The following POR variants were observed in gnomAD, a reference collection of about 807,000 sequenced individuals.
The protein encoded by POR is NADPH--cytochrome P450 reductase.
A neutral mutation model predicts 84.0 loss-of-function variants in POR; 56 were observed. The observed-to-expected ratio is 0.67, with a 90% CI of 0.54 to 0.83. The LOEUF is 0.83. Ranked by LOEUF, POR falls within the 40% of genes least tolerant of loss-of-function variation. The pLI, the probability that POR is intolerant of heterozygous loss-of-function variation, is 0.00. For missense variants in POR, 938 were observed against 944.3 expected (o/e 0.99, Z 0.09); for synonymous variants, 414 against 400.5 (o/e 1.03, Z -0.40).
intron 2 of POR, among the ~76,000 whole-genome samples, chr7:75,966,522 C>A (rs782245605): frequency 6.6e-6 from 1 of 152,158 alleles, no homozygotes; most frequent in African/African-American, 2.4e-5. Flanking sequence ...CTTCTCTCGC[C>A]GTGGGCACCC....
chr7:75,969,036 C>T (rs1788317713), intron 2 of POR, among the ~76,000 whole-genome samples: 2 of 152,218 alleles, frequency 1.3e-5, no homozygotes, highest in South Asian at 2.1e-4. Context: ...AGGCCTTTCC[C>T]GGTTTCTTCA....
chr7:75,923,932 T>C lies in POR; in HGVS notation c.-5+8753T>C, dbSNP rs77548214. ...AAGAAAAGACAGTAGCTTACGTTCA[T>C]GGCGGCACCTCTCATCACAGTCCAG... On this transcript the variant is annotated intron_variant, in intron 1 of 15. Transcript: ENST00000461988. Among the ~76,000 whole-genome samples, 13 of 151,986 alleles carry C rather than the reference T, an allele frequency of 8.6e-5. No individual in the cohort carries two copies. In the East Asian group the frequency reaches 2.3e-3, roughly 27 times the overall value.
chr7:75,981,455 C>T (rs1206862044), intron 6 of POR, 62 bp from the exon 7 acceptor site: 44 of 1,471,228 alleles, frequency 3.0e-5, no homozygotes, highest in South Asian at 1.1e-4. Flanking sequence ...GTGCCTGGCA[C>T]CAGGTACCGT....
chr7:75,982,700 C>T lies in POR; in HGVS notation c.830+378C>T, dbSNP rs979945835. Among the ~76,000 whole-genome samples, 4 of 152,222 alleles carry T rather than the reference C, an allele frequency of 2.6e-5. 1 individual carries two copies. In the South Asian group the frequency reaches 8.3e-4, roughly 31 times the overall value. On this transcript the variant is annotated intron_variant, in intron 8 of 15. Transcript: ENST00000461988. ...GCGTTCCTCTCTGTGCCCTTGATGGCCCCTGGTTGCTGCCCAGATTCCTGC... is the reference window on the plus strand; with the variant it reads ...GCGTTCCTCTCTGTGCCCTTGATGGTCCCTGGTTGCTGCCCAGATTCCTGC...
chr7:75,920,361 A>G (rs1309435857), intron 1 of POR, among the ~76,000 whole-genome samples: 4 of 152,110 alleles, frequency 2.6e-5, no homozygotes, highest in African/African-American at 9.7e-5. Context: ...GTGAGCCACC[A>G]TGTCCAGCTT....
At chr7:75,952,121 CA>C (rs1554552935) in intron 1 of POR, among the ~76,000 whole-genome samples, 34 of 111,126 alleles carry the variant, frequency 3.1e-4, no homozygotes, top group Admixed American at 6.9e-4. Flanking sequence ...CCGGACGGGG[CA>C]GCTGGCCGGG....
At chr7:75,967,933 T>C in intron 2 of POR, 1 of 415,176 alleles carries the variant, frequency 2.4e-6, no homozygotes, top group Non-Finnish European at 4.9e-6. Flanking sequence ...CAGGAGCACT[T>C]TGAGGCCACG....
chr7:75,929,350 G>C (rs1056590104), intron 1 of POR, among the ~76,000 whole-genome samples: 2 of 152,048 alleles, frequency 1.3e-5, no homozygotes, highest in Admixed American at 6.6e-5. Flanking sequence ...CGCAACCTCC[G>C]CCTCCTGGGT....
chr7:75,928,910 G>C (rs140032637), intron 1 of POR, among the ~76,000 whole-genome samples: 1 of 152,184 alleles, frequency 6.6e-6, no homozygotes, highest in South Asian at 2.1e-4. Context: ...CTGAGAAATG[G>C]AGCATTAAGC....
rs1554557325 is a variant in POR at position 75,979,570 on chromosome 7, G to A, written c.357G>A (p.Glu119=). 17 of 1,613,212 alleles carry A rather than the reference G, an allele frequency of 1.1e-5. No homozygotes were observed. In the Middle Eastern group the frequency reaches 4.9e-4, roughly 47 times the overall value. The change falls in exon 4 of 16, where the codon GAG becomes GAA. Residue 119 remains glutamate, a synonymous_variant. Transcript: ENST00000461988. ...GAGGCATGTCAGCGGACCCTGAGGA[G>A]TATGACCTGGTAAGCTGCCACCGCG...
chr7:75,985,970 G>C lies in POR; in HGVS notation c.1717G>C (p.Asp573His), dbSNP rs782303299. ...GCTGTACTACGGCTGCCGCCGCTCGGATGAGGACTACCTGTACCGGGAGGA... is the reference window on the plus strand; with the variant it reads ...GCTGTACTACGGCTGCCGCCGCTCGCATGAGGACTACCTGTACCGGGAGGA... Residue 573 changes from aspartate (D) to histidine (H), a missense_variant, in exon 14 of 16, where the codon GAT becomes CAT. Coordinates refer to ENST00000461988, the MANE Select transcript of POR (RefSeq NM_000941.3). The C allele has an allele frequency of 4.4e-6, 7 of 1,585,762 alleles. No homozygotes were observed. Among genetic ancestry groups the C allele is most frequent in the Admixed American group, 1.8e-5 (1 of 55,682 alleles).
chr7:75,916,671 T>C (rs1337020755), intron 1 of POR, among the ~76,000 whole-genome samples: 1 of 152,160 alleles, frequency 6.6e-6, no homozygotes, highest in Non-Finnish European at 1.5e-5. Flanking sequence ...CGTGGTGGTG[T>C]GGAAACTTAG....
rs1302085260 is a variant in POR, at chr7:75,950,828, C to T, written c.-4-3161C>T. Among the ~76,000 whole-genome samples, 10 of 151,824 alleles carry T rather than the reference C, an allele frequency of 6.6e-5. No individual in the cohort carries two copies. The South Asian group carries it at 1.5e-3, about 22-fold the overall frequency. On this transcript the variant is annotated intron_variant, in intron 1 of 15. Transcript: ENST00000461988. ...CTGTCATCCCAGCACTTTGGGAGGC[C>T]GAGGCAGGATCACGAGGTCAGGAGT...
chr7:75,972,700 G>T (rs1180382016), intron 3 of POR: 1 of 591,372 alleles, frequency 1.7e-6, no homozygotes, highest in Admixed American at 2.6e-5. Context: ...CAAAGTCTAA[G>T]AACAGACCCT....
At chr7:75,917,990 C>T (rs1460493082) in intron 1 of POR, among the ~76,000 whole-genome samples, 1 of 152,052 alleles carries the variant, frequency 6.6e-6, no homozygotes, top group East Asian at 1.9e-4. Context: ...ACGGCGAATC[C>T]CTGTCTCTAT....
chr7:75,960,221 G>C (rs1331327385), intron 2 of POR, among the ~76,000 whole-genome samples: 1 of 152,000 alleles, frequency 6.6e-6, no homozygotes, highest in Non-Finnish European at 1.5e-5. Context: ...AGCCTGGGAT[G>C]CCAAGGCTGC....
In POR at chr7:75,917,610, A is replaced by C. The variant is rs142877943; in HGVS notation, c.-5+2431A>C. Among the ~76,000 whole-genome samples the C allele has an allele frequency of 4.6e-5, 7 of 152,106 alleles. No individual in the cohort carries two copies. The East Asian group carries it at 1.4e-3, about 30-fold the overall frequency. On this transcript the variant is annotated intron_variant, in intron 1 of 15. Coordinates refer to ENST00000461988, the MANE Select transcript of POR (RefSeq NM_000941.3). ...GACTCACTTAAAAATTAAAGTTAGA[A>C]AAAGGTGAAATGGAGAAATGACAAT...
intron 8 of POR, chr7:75,983,295 C>T (rs1416180239): frequency 4.1e-6 from 2 of 488,102 alleles, no homozygotes; most frequent in East Asian, 6.9e-5. Flanking sequence ...GAGCCGAGAT[C>T]GCGCCGCTGC....
chr7:75,920,096 G>A (rs1437007034), intron 1 of POR, among the ~76,000 whole-genome samples: 3 of 111,014 alleles, frequency 2.7e-5, no homozygotes, highest in African/African-American at 7.3e-5. Flanking sequence ...GACAGAGTCT[G>A]ACTCTCTCGC....
Sources: gnomAD v4.1 joint callset for allele counts (sites outside exome capture counted in the v4.1 genomes callset) on GRCh38, gnomAD v4.1.1 for gene constraint, MANE v1.5 for transcripts, NCBI Gene and HGNC (gene_info 2026-07-23, HGNC 2026-07-21) for gene names.